PKDCC: variants seen among roughly 807,000 people sequenced by gnomAD.
The protein encoded by PKDCC is protein kinase domain containing, cytoplasmic, also known as extracellular tyrosine-protein kinase PKDCC.
Under a neutral mutation model 44.7 loss-of-function variants are expected in PKDCC, and 35 were observed. The observed-to-expected ratio is 0.78, with a 90% CI of 0.60 to 1.04. The LOEUF (loss-of-function observed/expected upper bound fraction) is 1.04. Among genes scored for constraint, PKDCC ranks in the 50% least tolerant of loss-of-function variants. The pLI is 0.00. For synonymous variants in PKDCC, 353 were observed against 303.3 expected, an observed-to-expected ratio of 1.16 and a Z score of -1.70; for missense variants, 738 against 672.7, an observed-to-expected ratio of 1.10 and a Z score of -1.07.
rs71408068 is a variant in PKDCC at position 42,052,816 on chromosome 2, AG to A, written c.640-421del. ...TCCGAGTGGCACAAATTCACATCTT[AG>A]GCTCCTACATTGATCAGCTGTGCGA... On this transcript the variant is annotated intron_variant, in intron 1 of 6. Coordinates refer to ENST00000294964, the MANE Select transcript of PKDCC (RefSeq NM_138370.3). This position sits in a 1 kb window ranked among gnomAD's most constrained non-coding sequence, Gnocchi z 4.3. Among the ~76,000 whole-genome samples the A allele has an allele frequency of 0.27, 41,268 of 152,066 alleles. 5,891 individuals carry two copies. The highest frequency in any genetic ancestry group is 0.36 in the Middle Eastern group (107 of 294).
Position 42,058,016 on chromosome 2 carries a change from A to G in PKDCC, c.*328A>G. The G allele has an allele frequency of 2.7e-6, 1 of 374,412 alleles. No homozygotes were observed. The highest frequency in any genetic ancestry group is 5.0e-6 in the Non-Finnish European group (1 of 201,708). The allele number at this position is 374,412 out of a possible 1,614,324, so 23.2% of individuals were successfully genotyped here. On this transcript the variant is annotated 3_prime_UTR_variant, in exon 7 of 7. Transcript: ENST00000294964. This position sits in a 1 kb window ranked among gnomAD's most constrained non-coding sequence, Gnocchi z 4.2. ...CCCTCCCTGGGACGGTTCCGTGGGC[A>G]GCCCCATCACTGTGTTCAATAGTGT... is the stretch of plus-strand genomic sequence containing the variant.
In PKDCC at chr2:42,054,809, C is replaced by T. The variant is rs967665971; in HGVS notation, c.1035-132C>T. 3 of 833,232 alleles carry T rather than the reference C, an allele frequency of 3.6e-6. No individual in the cohort carries two copies. Among genetic ancestry groups the T allele is most frequent in the Admixed American group, 1.8e-5 (1 of 56,420 alleles). The allele number at this position is 833,232 out of a possible 1,614,324, so 51.6% of individuals were successfully genotyped here. ...CCCCGAGGCTGAGTAGACTTCACTG[C>T]GTTCTGCCTGGTTGCTAGGCCTGAG... On this transcript the variant is annotated intron_variant, in intron 3 of 6. Transcript: ENST00000294964. The surrounding 1 kb of genome is among the most constrained non-coding windows in gnomAD (Gnocchi z 6.1).
In PKDCC at chr2:42,054,052, G is replaced by T. The variant is rs747195223; in HGVS notation, c.779G>T (p.Gly260Val). Reference protein sequence around the residue: ...EDRFRICLSLGRLLHHLAHSP... With the variant: ...EDRFRICLSLVRLLHHLAHSP... ...GCCCCTCAGATCTGCCTGAGCCTGG[G>T]CCGCCTCCTCCACCACCTGGCCCAC... is the stretch of plus-strand genomic sequence containing the variant. Residue 260 changes from glycine (G) to valine (V), a missense_variant, in exon 3 of 7, where the codon GGC becomes GTC. Transcript: ENST00000294964. This position sits in a 1 kb window ranked among gnomAD's most constrained non-coding sequence, Gnocchi z 6.1. The T allele has an allele frequency of 6.2e-7, 1 of 1,611,698 alleles. No individual in the cohort carries two copies. The highest frequency in any genetic ancestry group is 2.2e-5 in the East Asian group (1 of 44,868).
intron 2 of PKDCC, 149 bp downstream of exon 2, chr2:42,053,510 AG>A (rs1168764474): frequency 4.6e-5 from 52 of 1,124,688 alleles, no homozygotes; most frequent in Non-Finnish European, 6.3e-5. Context: ...CACCGGCCAA[AG>A]GGTTCAAAAA....
chr2:42,057,249 C>T lies in PKDCC; in HGVS notation c.1251C>T (p.Ile417=), dbSNP rs1187076699. The change falls in exon 6 of 7, where the codon ATC becomes ATT. Residue 417 remains isoleucine (I), a synonymous_variant. Coordinates refer to ENST00000294964, the MANE Select transcript of PKDCC (RefSeq NM_138370.3). ...TEYQCIPDST[I]PQEDYRCWPS... is the part of the protein sequence containing the mutation. ...ACCAGTGTATCCCAGACAGCACCAT[C>T]CCCCAGGAAGACTACCGCTGCTGGC... is the stretch of plus-strand genomic sequence containing the variant. 6.2e-7 allele frequency: 1 copy of T among 1,614,206 alleles called. No individual in the cohort carries two copies. The highest frequency in any genetic ancestry group is 1.1e-5 in the South Asian group (1 of 91,080).
At chr2:42,049,673 G>C (rs907118185) in intron 1 of PKDCC, among the ~76,000 whole-genome samples, 1 of 152,152 alleles carries the variant, frequency 6.6e-6, no homozygotes. Flanking sequence ...TGGAGACACA[G>C]GCGAGAGCTG....
In PKDCC at chr2:42,054,732, G is replaced by A. The variant is rs1388533009; in HGVS notation, c.1035-209G>A. The A allele has an allele frequency of 1.1e-5, 7 of 619,358 alleles. No individual in the cohort carries two copies. Among genetic ancestry groups the A allele is most frequent in the Non-Finnish European group, 8.6e-6 (3 of 347,560 alleles). 38.4% of individuals were successfully genotyped at this position (619,358 alleles called of 1,614,324 possible). A position where few individuals can be genotyped will look rare whatever the true frequency, so the allele number is the denominator to read the frequency against. On this transcript the variant is annotated intron_variant, in intron 3 of 6. Coordinates refer to ENST00000294964, the MANE Select transcript of PKDCC (RefSeq NM_138370.3). This position sits in a 1 kb window ranked among gnomAD's most constrained non-coding sequence, Gnocchi z 6.1. ...GGAAGGGTTGGGAAGCAGGCCCCTG[G>A]TTTCGGTTAGTATGAAGTTAGGTGT...
Position 42,048,398 on chromosome 2 carries a change from G to A in PKDCC, c.199G>A (p.Val67Met), listed in dbSNP as rs1048062777. 7.8e-6 allele frequency: 9 copies of A among 1,160,748 alleles called. No individual in the cohort carries two copies. The highest frequency in any genetic ancestry group is 1.7e-5 in the African/African-American group (1 of 60,328). 71.9% of individuals were successfully genotyped at this position (1,160,748 alleles called of 1,614,324 possible). Residue 67 changes from valine (V) to methionine (M), a missense_variant, in exon 1 of 7, where the codon GTG (valine) becomes ATG (methionine). Val to Met is a conservative substitution (Grantham distance 21, BLOSUM62 1). Coordinates refer to ENST00000294964, the MANE Select transcript of PKDCC (RefSeq NM_138370.3). The surrounding 1 kb of genome is among the most constrained non-coding windows in gnomAD (Gnocchi z 6.2). ...GCAGATCCGGGCGCGCTACGAGGAG[G>A]TGCAGCGCTATTCCCGCGGGGGCCC... is the stretch of plus-strand genomic sequence containing the variant. ...ARQIRARYEE[V>M]QRYSRGGPGP... is the part of the protein sequence containing the mutation.
Position 42,054,285 on chromosome 2 carries a change from C to A in PKDCC, c.1012C>A (p.Arg338=). 1 of 1,605,026 alleles carries A rather than the reference C, an allele frequency of 6.2e-7. No individual in the cohort carries two copies. Residue 338 remains arginine (R), a synonymous_variant, in exon 3 of 7, where the codon CGG becomes AGG. Transcript: ENST00000294964. This position sits in a 1 kb window ranked among gnomAD's most constrained non-coding sequence, Gnocchi z 6.1. ...CTGGTGCGAGGGCATGAACGAGAAG[C>A]GGAACCTCTATAATGCCTACAGGTG... The part of the protein sequence containing the change: ...QGWCEGMNEK[R]NLYNAYRFFF...
In PKDCC at chr2:42,055,558, T is replaced by C. The variant is rs1245998215; in HGVS notation, c.1222+165T>C. The C allele has an allele frequency of 4.9e-6, 3 of 617,802 alleles. No individual in the cohort carries two copies. Among genetic ancestry groups the C allele is most frequent in the Non-Finnish European group, 8.6e-6 (3 of 350,798 alleles). The allele number at this position is 617,802 out of a possible 1,614,324, so 38.3% of individuals were successfully genotyped here. A position where few individuals can be genotyped will look rare whatever the true frequency, so the allele number is the denominator to read the frequency against. On this transcript the variant is annotated intron_variant, in intron 5 of 6. Coordinates refer to ENST00000294964, the MANE Select transcript of PKDCC (RefSeq NM_138370.3). This position sits in a 1 kb window ranked among gnomAD's most constrained non-coding sequence, Gnocchi z 4.5. ...CATGGAGGGGCTGACATGGACTAATTTGAGGTTCCATCTCTAGCTGAGCTA... is the reference window on the plus strand; with the variant it reads ...CATGGAGGGGCTGACATGGACTAATCTGAGGTTCCATCTCTAGCTGAGCTA...
At chr2:42,053,504 G>C (rs773048540) in intron 2 of PKDCC, 143 bp downstream of exon 2, 2 of 1,169,924 alleles carry the variant, frequency 1.7e-6, no homozygotes, top group Non-Finnish European at 2.4e-6. Context: ...CTCAGCCACC[G>C]GCCAAAGGGT....
In PKDCC at chr2:42,055,833, T is replaced by G. The variant is rs771600248; in HGVS notation, c.1222+440T>G. On this transcript the variant is annotated intron_variant, in intron 5 of 6. Coordinates refer to ENST00000294964, the MANE Select transcript of PKDCC (RefSeq NM_138370.3). The surrounding 1 kb of genome is among the most constrained non-coding windows in gnomAD (Gnocchi z 4.5). ...ACACAGCTGGAACGCAGTATATGTT[T>G]GCTTCCCTTTCCTTCCTCTAACCTC... 1.6e-4 allele frequency among the ~76,000 whole-genome samples: 25 copies of G among 152,232 alleles called. No individual in the cohort carries two copies. The highest frequency in any genetic ancestry group is 2.9e-4 in the Non-Finnish European group (20 of 68,032).
chr2:42,048,452 C>T lies in PKDCC; in HGVS notation c.253C>T (p.Arg85Trp). ...PGPGAGRPER[R>W]RLMDLAPGGP... is the part of the protein sequence containing the mutation. Reference sequence around the variant, plus strand: ...GCCCGGGGCGGGCCGGCCGGAGCGGCGGCGCCTGATGGACCTGGCTCCGGG... The same window carrying T: ...GCCCGGGGCGGGCCGGCCGGAGCGGTGGCGCCTGATGGACCTGGCTCCGGG... Residue 85 changes from arginine (R) to tryptophan (W), a missense_variant, in exon 1 of 7, where the codon CGG (arginine) becomes TGG (tryptophan). Physicochemically the swap from Arg to Trp is moderately radical, Grantham distance 101. Transcript: ENST00000294964. This position sits in a 1 kb window ranked among gnomAD's most constrained non-coding sequence, Gnocchi z 6.2. 1.8e-6 allele frequency: 2 copies of T among 1,094,750 alleles called. No homozygotes were observed. The highest frequency in any genetic ancestry group is 2.2e-6 in the Non-Finnish European group (2 of 904,024). 67.8% of individuals were successfully genotyped at this position (1,094,750 alleles called of 1,614,324 possible). A position where few individuals can be genotyped will look rare whatever the true frequency, so the allele number is the denominator to read the frequency against.
At chr2:42,053,190 T>C in intron 1 of PKDCC, 49 bp from the exon 2 acceptor site, 2 of 1,200,000 alleles carry the variant, frequency 1.7e-6, no homozygotes, top group Non-Finnish European at 1.2e-6. Flanking sequence ...CCCTTCCCTG[T>C]CCCCACCCCC....
At position 42,054,010 on chromosome 2, in the gene PKDCC, G is replaced by A. The variant is rs765958873; in HGVS notation, c.763-26G>A. 1 of 1,598,552 alleles carries A rather than the reference G, an allele frequency of 6.3e-7. No individual in the cohort carries two copies. Among genetic ancestry groups the A allele is most frequent in the Non-Finnish European group, 8.5e-7 (1 of 1,170,988 alleles). On this transcript the variant is annotated intron_variant, in intron 2 of 6. Coordinates refer to ENST00000294964, the MANE Select transcript of PKDCC (RefSeq NM_138370.3). The surrounding 1 kb of genome is among the most constrained non-coding windows in gnomAD (Gnocchi z 6.1). ...ACCCCCAACCCAGGAGAAAAGCAGT[G>A]AGCAGTCTTTTCTTGTGCCCCTCAG...
Position 42,055,448 on chromosome 2 carries a change from T to C in PKDCC, c.1222+55T>C. On this transcript the variant is annotated intron_variant, in intron 5 of 6. Coordinates refer to ENST00000294964, the MANE Select transcript of PKDCC (RefSeq NM_138370.3). The surrounding 1 kb of genome is among the most constrained non-coding windows in gnomAD (Gnocchi z 4.5). Reference sequence around the variant, plus strand: ...AGCAAGAAACAGGTGGGAGGGTGAATGACCCCGCCCAATTAGGCTAAGTGG... The same window carrying C: ...AGCAAGAAACAGGTGGGAGGGTGAACGACCCCGCCCAATTAGGCTAAGTGG... 2 of 1,525,376 alleles carry C rather than the reference T, an allele frequency of 1.3e-6. No homozygotes were observed. Among genetic ancestry groups the C allele is most frequent in the Non-Finnish European group, 1.8e-6 (2 of 1,111,952 alleles). The allele number at this position is 1,525,376 out of a possible 1,614,324, so 94.5% of individuals were successfully genotyped here. A position where few individuals can be genotyped will look rare whatever the true frequency, so the allele number is the denominator to read the frequency against.
In PKDCC at chr2:42,055,240, A is replaced by G. The variant is rs112760977; in HGVS notation, c.1115-46A>G. ...CAGCTGGCTGCTGACTTCAGGGAGGAGTGGGAGCCCCAGGCATCCTGTCTT... is the reference window on the plus strand; with the variant it reads ...CAGCTGGCTGCTGACTTCAGGGAGGGGTGGGAGCCCCAGGCATCCTGTCTT... On this transcript the variant is annotated intron_variant, in intron 4 of 6. Coordinates refer to ENST00000294964, the MANE Select transcript of PKDCC (RefSeq NM_138370.3). The surrounding 1 kb of genome is among the most constrained non-coding windows in gnomAD (Gnocchi z 4.5). 526 of 1,544,600 alleles carry G rather than the reference A, an allele frequency of 3.4e-4. 6 individuals are homozygous for G. The African/African-American group carries it at 6.1e-3, about 18-fold the overall frequency.
rs1185798085 is a variant in PKDCC, at chr2:42,051,537, C to G, written c.640-1702C>G. On this transcript the variant is annotated intron_variant, in intron 1 of 6. Transcript: ENST00000294964. The surrounding 1 kb of genome is among the most constrained non-coding windows in gnomAD (Gnocchi z 4.2). ...TTTCCTGAGGGGTGTTGATTAATAC[C>G]TCGTTAACAGCGCATTTAACGACCT... Among the ~76,000 whole-genome samples, 1 of 152,064 alleles carries G rather than the reference C, an allele frequency of 6.6e-6. No individual in the cohort carries two copies. The highest frequency in any genetic ancestry group is 1.5e-5 in the Non-Finnish European group (1 of 68,012).
intron 5 of PKDCC, among the ~76,000 whole-genome samples, chr2:42,056,676 A>G (rs1189352606): frequency 3.9e-5 from 6 of 151,942 alleles, no homozygotes; most frequent in African/African-American, 1.5e-4. Context: ...AGATGGGAGG[A>G]TCCCTTGAGC....
Sources: allele counts gnomAD v4.1 joint callset (sites outside exome capture counted in the v4.1 genomes callset), GRCh38; gene constraint gnomAD v4.1.1; non-coding constraint Gnocchi (gnomAD v3.1); transcripts MANE v1.5; gene names NCBI Gene and HGNC (gene_info 2026-07-23, HGNC 2026-07-21).